Variants in ZNF233 observed in about 807,000 individuals in gnomAD.
ZNF233 encodes zinc finger protein 233.
Under a neutral mutation model 11.6 loss-of-function variants are expected in ZNF233, and 7 were observed. The ratio of observed to expected loss-of-function variants is 0.60; its 90% CI spans 0.34 to 1.13. The LOEUF is 1.13. Ranked by LOEUF, ZNF233 falls within the 50% of genes most tolerant of loss-of-function variation. The pLI is 0.03. For missense variants in ZNF233, 711 were observed against 785.5 expected, an observed-to-expected ratio of 0.91 and a Z score of 1.13; for synonymous variants, 226 against 268.5, an observed-to-expected ratio of 0.84 and a Z score of 1.55.
intron 3 of ZNF233, 121 bp from the exon 4 acceptor site, chr19:44,266,745 A>G (rs1262269152): frequency 1.6e-6 from 1 of 642,144 alleles, no homozygotes; most frequent in Admixed American, 2.8e-5. Context: ...GTATTCAGAC[A>G]ATAGCTCATG....
At position 44,273,462 on chromosome 19, in the gene ZNF233, A is replaced by C; in HGVS notation, c.802A>C (p.Ser268Arg). ...QTSDENGKGLSVGSNLELHQQ... is the reference protein window; with the variant it reads ...QTSDENGKGLRVGSNLELHQQ... ...CTCTGATGAAAATGGAAAAGGCTTA[A>C]GTGTTGGCTCTAATCTTGAACTTCA... is the stretch of plus-strand genomic sequence containing the variant. Residue 268 changes from serine to arginine, a missense_variant, in exon 5 of 5, where the codon AGT (serine) becomes CGT (arginine). By Grantham distance (110) the Ser-to-Arg change is moderately radical. Transcript: ENST00000683810. 6.2e-7 allele frequency: 1 copy of C among 1,614,246 alleles called. No individual in the cohort carries two copies. Among genetic ancestry groups the C allele is most frequent in the Non-Finnish European group, 8.5e-7 (1 of 1,180,048 alleles).
At position 44,266,280 on chromosome 19, in the gene ZNF233, A is replaced by T. The variant is rs1225947889; in HGVS notation, c.98A>T (p.Tyr33Phe). Residue 33 changes from tyrosine (Y) to phenylalanine (F), a missense_variant, in exon 3 of 5, where the codon TAC becomes TTC. Transcript: ENST00000683810. ...CTGGACCTTGCCCAGAGAAAGCTGTACCAAGATGTGATGCTGGAGAACTTC... is the reference window on the plus strand; with the variant it reads ...CTGGACCTTGCCCAGAGAAAGCTGTTCCAAGATGTGATGCTGGAGAACTTC... ...GLLDLAQRKL[Y>F]QDVMLENFRN... is the part of the protein sequence containing the mutation. The T allele has an allele frequency of 6.2e-7, 1 of 1,611,508 alleles. No individual in the cohort carries two copies. Among genetic ancestry groups the T allele is most frequent in the Non-Finnish European group, 8.5e-7 (1 of 1,178,696 alleles).
chr19:44,264,718 C>CA, intron 2 of ZNF233, among the ~76,000 whole-genome samples: 1 of 152,248 alleles, frequency 6.6e-6, no homozygotes, highest in Non-Finnish European at 1.5e-5. Flanking sequence ...CTATACTTGT[C>CA]AGTGTATTTT....
Position 44,273,642 on chromosome 19 carries a change from C to T in ZNF233, c.982C>T (p.His328Tyr). Residue 328 changes from histidine to tyrosine, a missense_variant, in exon 5 of 5, where the codon CAT (histidine) becomes TAT (tyrosine). Transcript: ENST00000683810. ...TGGTGAGGGCTTCAGTCAGGGCTCACATCTGCAACCTCATCAGAGAGTCAG... is the reference window on the plus strand; with the variant it reads ...TGGTGAGGGCTTCAGTCAGGGCTCATATCTGCAACCTCATCAGAGAGTCAG... Reference protein sequence around the residue: ...DSGEGFSQGSHLQPHQRVSTG... With the variant: ...DSGEGFSQGSYLQPHQRVSTG... 1.2e-6 allele frequency: 2 copies of T among 1,614,114 alleles called. No individual in the cohort carries two copies. The highest frequency in any genetic ancestry group is 1.7e-6 in the Non-Finnish European group (2 of 1,179,996).
chr19:44,272,067 A>G lies in ZNF233; in HGVS notation c.239-832A>G, dbSNP rs556639929. 2.0e-5 allele frequency among the ~76,000 whole-genome samples: 3 copies of G among 151,642 alleles called. No homozygotes were observed. The South Asian group carries it at 6.3e-4, about 32-fold the overall frequency. ...TGGTGAAACCCTGTCTCTACTAAAA[A>G]TACAAAAAAAATTAATGAGGTGTGG... On this transcript the variant is annotated intron_variant, in intron 4 of 4. Coordinates refer to ENST00000683810, the MANE Select transcript of ZNF233 (RefSeq NM_001207005.2).
rs186695564 is a variant in ZNF233, at chr19:44,273,039, C to G, written c.379C>G (p.Gln127Glu). The stretch of plus-strand genomic sequence containing the variant: ...TAATCAAGACCTAATAATAAATCTT[C>G]AAGGCAAGAGGTCCAAGTTGCTAAA... ...TSNQDLIINL[Q>E]GKRSKLLKQG... is the part of the protein sequence containing the mutation. The change falls in exon 5 of 5, where the codon CAA becomes GAA. Residue 127 changes from glutamine (Q) to glutamate (E), a missense_variant. Gln to Glu is a conservative substitution (Grantham distance 29, BLOSUM62 2). Transcript: ENST00000683810. 90 of 1,614,116 alleles carry G rather than the reference C, an allele frequency of 5.6e-5. 1 individual carries two copies. In the Admixed American group the frequency reaches 1.4e-3, roughly 26 times the overall value.
Position 44,273,844 on chromosome 19 carries a change from A to T in ZNF233, c.1184A>T (p.Glu395Val), listed in dbSNP as rs1327186682. 11 of 1,614,078 alleles carry T rather than the reference A, an allele frequency of 6.8e-6. No individual in the cohort carries two copies. The highest frequency in any genetic ancestry group is 6.7e-5 in the African/African-American group (5 of 74,918). The change falls in exon 5 of 5, where the codon GAG becomes GTG. Residue 395 changes from glutamate (E) to valine (V), a missense_variant. Physicochemically the swap from Glu to Val is moderately radical, Grantham distance 121. Coordinates refer to ENST00000683810, the MANE Select transcript of ZNF233 (RefSeq NM_001207005.2). ...FDIHCVDSAGERACKCDVYDK... is the reference protein window; with the variant it reads ...FDIHCVDSAGVRACKCDVYDK... ...ATTCACTGTGTAGACAGTGCTGGAG[A>T]GAGAGCCTGTAAATGTGATGTATAT...
In ZNF233 at chr19:44,273,146, A is replaced by C; in HGVS notation, c.486A>C (p.Gln162His). The C allele has an allele frequency of 6.2e-7, 1 of 1,614,016 alleles. No homozygotes were observed. Among genetic ancestry groups the C allele is most frequent in the Non-Finnish European group, 8.5e-7 (1 of 1,180,030 alleles). ...SEDENYVIKLQGESSNSIKNQ... is the reference protein window; with the variant it reads ...SEDENYVIKLHGESSNSIKNQ... ...ATGAGAACTATGTAATAAAGCTACA[A>C]GGGGAGAGTTCAAATAGCATAAAAA... Residue 162 changes from glutamine (Q) to histidine (H), a missense_variant, in exon 5 of 5, where the codon CAA becomes CAC. Physicochemically the swap from Gln to His is conservative, Grantham distance 24 (BLOSUM62 0). Coordinates refer to ENST00000683810, the MANE Select transcript of ZNF233 (RefSeq NM_001207005.2).
intron 2 of ZNF233, among the ~76,000 whole-genome samples, chr19:44,265,240 C>T (rs372319916): frequency 1.6e-3 from 239 of 152,088 alleles, no homozygotes; most frequent in African/African-American, 5.2e-3. Flanking sequence ...AGAGAACATA[C>T]GATGTTTGGT....
Position 44,274,700 on chromosome 19 carries a change from A to G in ZNF233, c.*27A>G. The G allele has an allele frequency of 6.5e-7, 1 of 1,536,986 alleles. No homozygotes were observed. The highest frequency in any genetic ancestry group is 8.8e-7 in the Non-Finnish European group (1 of 1,133,376). On this transcript the variant is annotated 3_prime_UTR_variant, in exon 5 of 5. Transcript: ENST00000683810. ...GGTGATGAATCTATTAATCATGATG[A>G]GTGTGATAGGGGTGCTCTTCAAGAC...
chr19:44,266,817 T>G (rs1269833540), intron 3 of ZNF233, 49 bp from the exon 4 acceptor site: 1 of 1,424,064 alleles, frequency 7.0e-7, no homozygotes, highest in East Asian at 2.3e-5. Context: ...AATTAAAATT[T>G]TTGACTATAA....
At position 44,274,352 on chromosome 19, in the gene ZNF233, C is replaced by T. The variant is rs548661710; in HGVS notation, c.1692C>T (p.Tyr564=). The change falls in exon 5 of 5, where the codon TAC becomes TAT. Residue 564 remains tyrosine, a synonymous_variant. Coordinates refer to ENST00000683810, the MANE Select transcript of ZNF233 (RefSeq NM_001207005.2). ...AAGTCCATACTGGAGAGAATCCCTA[C>T]AAATGTGATGTGTGTGGGAAAGGCT... ...HQQVHTGENP[Y]KCDVCGKGFS... 4.7e-5 allele frequency: 76 copies of T among 1,613,740 alleles called. No homozygotes were observed. In the South Asian group the frequency reaches 8.1e-4, roughly 17 times the overall value.
At position 44,275,134 on chromosome 19, in the gene ZNF233, T is replaced by C. The variant is rs1421429474; in HGVS notation, c.*461T>C. The C allele has an allele frequency of 2.5e-6, 1 of 393,192 alleles. No homozygotes were observed. The highest frequency in any genetic ancestry group is 2.1e-5 in the African/African-American group (1 of 48,510). 24.4% of individuals were successfully genotyped at this position (393,192 alleles called of 1,614,324 possible). A position where few individuals can be genotyped will look rare whatever the true frequency, so the allele number is the denominator to read the frequency against. ...TGACCTTGAACAAGTACCTAAGAAATAGTGGCTTCCCTGGAATTGTTTAAC... is the reference window on the plus strand; with the variant it reads ...TGACCTTGAACAAGTACCTAAGAAACAGTGGCTTCCCTGGAATTGTTTAAC... On this transcript the variant is annotated 3_prime_UTR_variant, in exon 5 of 5. Transcript: ENST00000683810.
intron 4 of ZNF233, among the ~76,000 whole-genome samples, chr19:44,269,177 A>T (rs1975173238): frequency 6.6e-6 from 1 of 151,390 alleles, no homozygotes; most frequent in Non-Finnish European, 1.5e-5. Context: ...ATTTTTGTGT[A>T]TAAACCTAAA....
At chr19:44,266,099 A>G in intron 2 of ZNF233, 99 bp from the exon 3 acceptor site, 1 of 1,343,342 alleles carries the variant, frequency 7.4e-7, no homozygotes, top group Non-Finnish European at 9.8e-7. Flanking sequence ...CTCACAATCC[A>G]GAACGTCTTC....
rs773900404 is a variant in ZNF233, at chr19:44,274,239, CAG to C, written c.1584_1585del (p.Arg528SerfsTer11). 8.7e-6 allele frequency: 14 copies of C among 1,609,666 alleles called. No individual in the cohort carries two copies. Among genetic ancestry groups the C allele is most frequent in the African/African-American group, 4.0e-5 (3 of 74,740 alleles). On this transcript the variant is annotated frameshift_variant, in exon 5 of 5. Coordinates refer to ENST00000683810, the MANE Select transcript of ZNF233 (RefSeq NM_001207005.2). LOFTEE classifies it low-confidence loss of function (END_TRUNC). ...FSQISHLQAH[Q>X]RVHKGEKPYK... ...TCAGATCTCTCATCTTCAGGCCCATCAGAGAGTTCACAAAGGAGAGAAGCCAT... is the reference window on the plus strand; with the variant it reads ...TCAGATCTCTCATCTTCAGGCCCATCAGAGTTCACAAAGGAGAGAAGCCAT...
Position 44,273,388 on chromosome 19 carries a change from G to A in ZNF233, c.728G>A (p.Cys243Tyr). The change falls in exon 5 of 5, where the codon TGT becomes TAT. Residue 243 changes from cysteine to tyrosine, a missense_variant. Coordinates refer to ENST00000683810, the MANE Select transcript of ZNF233 (RefSeq NM_001207005.2). ...AFSHNNCGKD[C>Y]VKESSQHSII... ...AGCCACAATAATTGTGGAAAAGACT[G>A]TGTGAAGGAATCATCCCAGCATAGC... 1 of 1,614,202 alleles carries A rather than the reference G, an allele frequency of 6.2e-7. No homozygotes were observed. The highest frequency in any genetic ancestry group is 8.5e-7 in the Non-Finnish European group (1 of 1,180,030).
In ZNF233 at chr19:44,274,320, C is replaced by T; in HGVS notation, c.1660C>T (p.His554Tyr). ...TAGTCAGAGTTCGCATCTCCAAGAC[C>T]ATCAGCAAGTCCATACTGGAGAGAA... ...GFSQSSHLQDHQQVHTGENPY... is the reference protein window; with the variant it reads ...GFSQSSHLQDYQQVHTGENPY... Residue 554 changes from histidine (H) to tyrosine (Y), a missense_variant, in exon 5 of 5, where the codon CAT becomes TAT. Physicochemically the swap from His to Tyr is moderately conservative, Grantham distance 83. Coordinates refer to ENST00000683810, the MANE Select transcript of ZNF233 (RefSeq NM_001207005.2). The T allele has an allele frequency of 6.2e-7, 1 of 1,613,900 alleles. No individual in the cohort carries two copies. The highest frequency in any genetic ancestry group is 1.1e-5 in the South Asian group (1 of 91,058).
At chr19:44,271,176 A>C (rs1446988933) in intron 4 of ZNF233, among the ~76,000 whole-genome samples, 1 of 152,234 alleles carries the variant, frequency 6.6e-6, no homozygotes, top group East Asian at 1.9e-4. Flanking sequence ...GAAAAGAAGG[A>C]GAATTCTCTC....
Sources: allele counts gnomAD v4.1 joint callset (sites outside exome capture counted in the v4.1 genomes callset), GRCh38; gene constraint gnomAD v4.1.1; transcripts MANE v1.5; gene names NCBI Gene and HGNC (gene_info 2026-07-23, HGNC 2026-07-21).